FRAS1: variants seen among roughly 807,000 people sequenced by gnomAD.
FRAS1 encodes the protein extracellular matrix organizing protein FRAS1.
In FRAS1, 290 loss-of-function variants were observed where a neutral mutation model predicts 435.2. The ratio of observed to expected loss-of-function variants is 0.67; its 90% CI spans 0.61 to 0.73. The LOEUF is 0.73. Ranked by LOEUF, FRAS1 falls within the 30% of genes least tolerant of loss-of-function variation. FRAS1 has a pLI of 0.00. For synonymous variants in FRAS1, 1,800 were observed against 1,851.0 expected (o/e 0.97, Z 0.71); for missense variants, 4,860 against 5,001.5 (o/e 0.97, Z 0.85).
chr4:78,258,339 CAAAAAA>C (rs33932507), intron 6 of FRAS1, among the ~76,000 whole-genome samples: 2 of 139,908 alleles, frequency 1.4e-5, no homozygotes, highest in Non-Finnish European at 1.5e-5. Flanking sequence ...AGACCTGTAT[CAAAAAA>C]AAAAAAAAAA....
chr4:78,329,089 A>T (rs1180467119), intron 18 of FRAS1, among the ~76,000 whole-genome samples: 1 of 152,228 alleles, frequency 6.6e-6, no homozygotes, highest in Non-Finnish European at 1.5e-5. Flanking sequence ...TCTCAGTATC[A>T]ACGTAGACCC....
At chr4:78,162,551 T>C (rs192019804) in intron 2 of FRAS1, among the ~76,000 whole-genome samples, 2 of 152,320 alleles carry the variant, frequency 1.3e-5, no homozygotes, top group Admixed American at 1.3e-4. Flanking sequence ...TTGAGGAAAA[T>C]GTCCTTTTAA....
At chr4:78,277,022 C>T (rs1367558983) in intron 9 of FRAS1, among the ~76,000 whole-genome samples, 1 of 152,146 alleles carries the variant, frequency 6.6e-6, no homozygotes. Flanking sequence ...TGGCATGCAC[C>T]CCTCCCCCAG....
chr4:78,276,232 G>T (rs1042544805), intron 9 of FRAS1, among the ~76,000 whole-genome samples: 1 of 151,842 alleles, frequency 6.6e-6, no homozygotes, highest in East Asian at 1.9e-4. Flanking sequence ...TTTTTTCAAG[G>T]TTTTTATCTT....
intron 2 of FRAS1, among the ~76,000 whole-genome samples, chr4:78,083,452 G>T (rs570395321): frequency 5.9e-5 from 9 of 152,220 alleles, no homozygotes; most frequent in African/African-American, 2.2e-4. Flanking sequence ...TAAAGACAAA[G>T]TGTTACCCTT....
intron 2 of FRAS1, among the ~76,000 whole-genome samples, chr4:78,128,969 A>G (rs1488944578): frequency 1.3e-4 from 20 of 152,214 alleles, no homozygotes; most frequent in Non-Finnish European, 2.6e-4. Context: ...AACTTTCTCC[A>G]TATGGCTAGC....
intron 22 of FRAS1, among the ~76,000 whole-genome samples, chr4:78,369,159 A>AAAT (rs1731398021): frequency 6.6e-6 from 1 of 152,210 alleles, no homozygotes; most frequent in Admixed American, 6.5e-5. Flanking sequence ...GAGTTTGAAT[A>AAAT]AATAGGATCC....
intron 6 of FRAS1, among the ~76,000 whole-genome samples, chr4:78,263,411 A>G (rs1726208290): frequency 6.6e-6 from 1 of 152,168 alleles, no homozygotes; most frequent in Non-Finnish European, 1.5e-5. Context: ...ATCAACCACC[A>G]TACAGGTAAT....
At chr4:78,065,081 T>TATATATATATATATACACACACACACAC (rs762909923) in intron 1 of FRAS1, among the ~76,000 whole-genome samples, 25 of 125,692 alleles carry the variant, frequency 2.0e-4, no homozygotes, top group African/African-American at 7.3e-4. Context: ...TATATATATA[T>TATATATATATATATACACACACACACAC]ATACATACAC....
intron 60 of FRAS1, 106 bp downstream of exon 60, chr4:78,497,067 A>G (rs1720529053): frequency 1.2e-6 from 1 of 843,894 alleles, no homozygotes; most frequent in East Asian, 2.5e-5. Context: ...AAGAATGCCT[A>G]CTGATAACAT....
rs1578095826 is a variant in FRAS1, at chr4:78,057,349, T to C, written c.-661T>C. On this transcript the variant is annotated 5_prime_UTR_variant, in exon 1 of 74. Transcript: ENST00000512123. This position sits in a 1 kb window ranked among gnomAD's most constrained non-coding sequence, Gnocchi z 4.2. ...TTTCCTCTGAAGCTTCCGAACAGTC[T>C]GCTTCAGGGAGCGCAGCCTGAGGCG... Among the ~76,000 whole-genome samples, 2 of 152,270 alleles carry C rather than the reference T, an allele frequency of 1.3e-5. No homozygotes were observed.
At chr4:78,403,784 C>A (rs116776172) in intron 30 of FRAS1, among the ~76,000 whole-genome samples, 1,682 of 152,284 alleles carry the variant, frequency 0.011, 20 homozygotes, top group Middle Eastern at 0.027. Context: ...AAACACCTAA[C>A]CTACCGAACA....
Position 78,061,340 on chromosome 4 carries a change from A to G in FRAS1, c.76+3255A>G, listed in dbSNP as rs186620585. Among the ~76,000 whole-genome samples the G allele has an allele frequency of 2.7e-3, 404 of 152,326 alleles. 2 individuals carry two copies. The highest frequency in any genetic ancestry group is 5.0e-3 in the Non-Finnish European group (340 of 68,016). ...CTTTCTGAATCACAGAAACTCTACC[A>G]TGGCTTTTTCTGGAGAAATATCTTG... On this transcript the variant is annotated intron_variant, in intron 1 of 73. Transcript: ENST00000512123.
At chr4:78,370,379 TG>T (rs1195485429) in intron 23 of FRAS1, among the ~76,000 whole-genome samples, 2 of 152,158 alleles carry the variant, frequency 1.3e-5, no homozygotes, top group Non-Finnish European at 2.9e-5. Flanking sequence ...CAAGTGTTGT[TG>T]GTTTTTTCTT....
At chr4:78,114,766 A>T (rs986753547) in intron 2 of FRAS1, among the ~76,000 whole-genome samples, 1 of 152,224 alleles carries the variant, frequency 6.6e-6, no homozygotes. Flanking sequence ...CAGTCATGTC[A>T]TCTGCAAACA....
At chr4:78,485,643 G>T (rs1012964773) in intron 58 of FRAS1, among the ~76,000 whole-genome samples, 1 of 152,112 alleles carries the variant, frequency 6.6e-6, no homozygotes, top group Non-Finnish European at 1.5e-5. Context: ...ACATTCTAGG[G>T]TAGAAAGATC....
intron 50 of FRAS1, among the ~76,000 whole-genome samples, 194 bp from the exon 51 acceptor site, chr4:78,469,784 G>A (rs1719646143): frequency 6.6e-6 from 1 of 151,938 alleles, no homozygotes; most frequent in African/African-American, 2.4e-5. Flanking sequence ...TTCCTACATT[G>A]TTCTCACTCT....
At position 78,479,672 on chromosome 4, in the gene FRAS1, G is replaced by A. The variant is rs113839220; in HGVS notation, c.8397G>A (p.Ser2799=). The A allele has an allele frequency of 3.1e-5, 50 of 1,609,166 alleles. No homozygotes were observed. In the African/African-American group the frequency reaches 3.5e-4, roughly 11 times the overall value. ...TCATTAGTGGTCCCAACGATGCCTC[G>A]ACTGTGTCCCTGGGCAACACGGCTT... ...KVLISGPNDA[S]TVSLGNTAFT... Residue 2799 remains serine, a synonymous_variant, in exon 56 of 74, where the codon TCG becomes TCA. Transcript: ENST00000512123.
chr4:78,380,224 A>G (rs1443586349), intron 27 of FRAS1, among the ~76,000 whole-genome samples: 1 of 152,204 alleles, frequency 6.6e-6, no homozygotes. Context: ...AATTGTGGGT[A>G]ATTCTCTGAT....
Sources: allele counts gnomAD v4.1 joint callset (sites outside exome capture counted in the v4.1 genomes callset), GRCh38; gene constraint gnomAD v4.1.1; non-coding constraint Gnocchi (gnomAD v3.1); transcripts MANE v1.5; gene names NCBI Gene and HGNC (gene_info 2026-07-23, HGNC 2026-07-21).